PRR16: variants seen among roughly 807,000 people sequenced by gnomAD.
PRR16 encodes the protein protein Largen.
A neutral mutation model predicts 18.2 loss-of-function variants in PRR16; 6 were observed. The ratio of observed to expected loss-of-function variants is 0.33; its 90% CI spans 0.18 to 0.65. The LOEUF (loss-of-function observed/expected upper bound fraction) is 0.65. Ranked by LOEUF, PRR16 falls within the 30% of genes least tolerant of loss-of-function variation. The pLI is 0.74. For missense variants in PRR16, 412 were observed against 376.6 expected (o/e 1.09, Z -0.78); for synonymous variants, 151 against 147.8 (o/e 1.02, Z -0.16).
chr5:120,704,152 A>T, the PRR16 span, among the ~76,000 whole-genome samples: 2 of 152,186 alleles, frequency 1.3e-5, no homozygotes, highest in Non-Finnish European at 2.9e-5. Flanking sequence ...CAGCTTTTTA[A>T]AAAAGGGGTA....
rs931897165 is a variant in PRR16 at position 120,530,410 on chromosome 5, A to G, written c.159+65765A>G. On this transcript the variant is annotated intron_variant, in intron 1 of 1. Coordinates refer to ENST00000407149, the MANE Select transcript of PRR16 (RefSeq NM_001300783.2). ...ATGTCAATAATTCTCTACTTGCCCG[A>G]TCTCCTTTTTCTTCTGATTTCTCCT... Among the ~76,000 whole-genome samples, 13 of 150,500 alleles carry G rather than the reference A, an allele frequency of 8.6e-5. No homozygotes were observed. The East Asian group carries it at 2.3e-3, about 27-fold the overall frequency.
At chr5:120,733,956 C>T in the PRR16 span, among the ~76,000 whole-genome samples, 1 of 151,998 alleles carries the variant, frequency 6.6e-6, no homozygotes, top group Non-Finnish European at 1.5e-5. Context: ...CTGTGTTATC[C>T]CTTACTTACG....
intron 1 of PRR16, among the ~76,000 whole-genome samples, chr5:120,530,254 A>AATATATATATATATAT (rs3047950): frequency 1.0e-3 from 108 of 106,674 alleles, no homozygotes; most frequent in Middle Eastern, 4.8e-3. Context: ...AGTGTGTGTA[A>AATATATATATATATAT]ATATATATAT....
chr5:120,490,495 A>C (rs1437802435), intron 1 of PRR16, among the ~76,000 whole-genome samples: 1 of 152,106 alleles, frequency 6.6e-6, no homozygotes, highest in African/African-American at 2.4e-5. Context: ...CGTGGTTTTC[A>C]GCTCCATCAG....
intron 1 of PRR16, among the ~76,000 whole-genome samples, chr5:120,512,887 C>T (rs1463687526): frequency 6.6e-6 from 1 of 152,088 alleles, no homozygotes; most frequent in Non-Finnish European, 1.5e-5. Flanking sequence ...GGTCAGGACT[C>T]ACATACTATA....
At chr5:120,761,463 G>A in the PRR16 span, among the ~76,000 whole-genome samples, 1 of 152,008 alleles carries the variant, frequency 6.6e-6, no homozygotes, top group East Asian at 1.9e-4. Flanking sequence ...GGAAATGCCC[G>A]ATTCTCTTTT....
At chr5:120,779,668 A>G in the PRR16 span, among the ~76,000 whole-genome samples, 1 of 152,144 alleles carries the variant, frequency 6.6e-6, no homozygotes, top group Non-Finnish European at 1.5e-5. Context: ...TATTACCCCA[A>G]AATAATTAAA....
chr5:120,537,612 CA>C (rs1751762102), intron 1 of PRR16, among the ~76,000 whole-genome samples: 1 of 144,746 alleles, frequency 6.9e-6, no homozygotes, highest in African/African-American at 2.6e-5. Context: ...TGTATTTGGC[CA>C]AGCAAGATTA....
chr5:120,730,857 A>C, the PRR16 span, among the ~76,000 whole-genome samples: 1 of 152,122 alleles, frequency 6.6e-6, no homozygotes, highest in East Asian at 1.9e-4. Context: ...CACATCATCT[A>C]TGTTTAAATT....
intron 1 of PRR16, among the ~76,000 whole-genome samples, chr5:120,517,139 A>G (rs1196157574): frequency 1.3e-5 from 2 of 152,212 alleles, no homozygotes; most frequent in Non-Finnish European, 2.9e-5. Context: ...AGTCTGGGAG[A>G]AAATATTACA....
chr5:120,512,458 C>A (rs17146715), intron 1 of PRR16, among the ~76,000 whole-genome samples: 10,817 of 152,064 alleles, frequency 0.071, 890 homozygotes, highest in African/African-American at 0.2. Context: ...CTCTGAGAGG[C>A]CTGCTTCTGA....
intron 1 of PRR16, among the ~76,000 whole-genome samples, chr5:120,506,179 C>G (rs550063126): frequency 3.9e-4 from 59 of 152,006 alleles, no homozygotes; most frequent in African/African-American, 1.4e-3. Context: ...CACATGAGTT[C>G]TCATTGAGTT....
chr5:120,742,413 C>T, the PRR16 span, among the ~76,000 whole-genome samples: 1 of 151,282 alleles, frequency 6.6e-6, no homozygotes, highest in African/African-American at 2.4e-5. Context: ...TTTGATATTG[C>T]ATATCAGATT....
chr5:120,690,889 A>G (rs1387899144), downstream of PRR16, among the ~76,000 whole-genome samples: 1 of 152,166 alleles, frequency 6.6e-6, no homozygotes, highest in Non-Finnish European at 1.5e-5. Flanking sequence ...CTGAAGTGTA[A>G]CATAAAGAAG....
the PRR16 span, among the ~76,000 whole-genome samples, chr5:120,785,112 T>C: frequency 5.8e-3 from 889 of 152,332 alleles, 5 homozygotes; most frequent in Middle Eastern, 0.01. Context: ...AGGCCACACT[T>C]GCTAATGGCT....
chr5:120,777,955 A>T, the PRR16 span, among the ~76,000 whole-genome samples: 1 of 152,140 alleles, frequency 6.6e-6, no homozygotes, highest in Non-Finnish European at 1.5e-5. Flanking sequence ...TTTTGGTTTC[A>T]CCATTATGGA....
chr5:120,646,096 A>G (rs1444907064), intron 1 of PRR16, among the ~76,000 whole-genome samples: 3 of 136,388 alleles, frequency 2.2e-5, no homozygotes, highest in Non-Finnish European at 3.2e-5. Context: ...TGAATATTAT[A>G]GGAATATTAT....
At chr5:120,670,124 A>T (rs1215152063) in intron 1 of PRR16, among the ~76,000 whole-genome samples, 4 of 152,088 alleles carry the variant, frequency 2.6e-5, no homozygotes, top group Admixed American at 1.3e-4. Flanking sequence ...TCACAATGGG[A>T]TTGGTTTTAC....
At chr5:120,722,384 T>C in the PRR16 span, among the ~76,000 whole-genome samples, 1 of 152,138 alleles carries the variant, frequency 6.6e-6, no homozygotes, top group East Asian at 1.9e-4. Flanking sequence ...GCAAGATATA[T>C]TATGTTAAAC....
Sources: allele counts gnomAD v4.1 joint callset (sites outside exome capture counted in the v4.1 genomes callset), GRCh38; gene constraint gnomAD v4.1.1; transcripts MANE v1.5; gene names NCBI Gene and HGNC (gene_info 2026-07-23, HGNC 2026-07-21).